PIAS2: variants seen among roughly 807,000 people sequenced by gnomAD.
PIAS2 encodes E3 SUMO-protein ligase PIAS2.
In PIAS2, 19 loss-of-function variants were observed where a neutral mutation model predicts 69.7. That is an observed-to-expected ratio of 0.27 (90% CI 0.19 to 0.40). The LOEUF (loss-of-function observed/expected upper bound fraction) is 0.40. Ranked by LOEUF, PIAS2 falls within the 10% of genes least tolerant of loss-of-function variation. The pLI is 1.00. For synonymous variants in PIAS2, 261 were observed against 263.2 expected (o/e 0.99, Z 0.08); for missense variants, 624 against 757.0 (o/e 0.82, Z 2.06).
intron 3 of PIAS2, among the ~76,000 whole-genome samples, chr18:46,861,814 T>C (rs1485328533): frequency 1.3e-5 from 2 of 152,158 alleles, no homozygotes; most frequent in Admixed American, 6.5e-5. Flanking sequence ...GACTCAACAA[T>C]TAAATGTGAT....
chr18:46,886,075 T>C (rs1024110953), intron 2 of PIAS2, among the ~76,000 whole-genome samples: 1 of 151,938 alleles, frequency 6.6e-6, no homozygotes, highest in African/African-American at 2.4e-5. Flanking sequence ...CCTCTTGGAG[T>C]ACCACTGAGC....
chr18:46,878,697 C>T (rs932414446), intron 2 of PIAS2, among the ~76,000 whole-genome samples: 14 of 152,222 alleles, frequency 9.2e-5, no homozygotes, highest in African/African-American at 2.9e-4. Context: ...GGCGAAACCC[C>T]GTCTCTAATA....
chr18:46,876,789 C>T (rs543995449), intron 2 of PIAS2, among the ~76,000 whole-genome samples: 80 of 151,850 alleles, frequency 5.3e-4, no homozygotes, highest in Middle Eastern at 3.4e-3. Flanking sequence ...CTCTGCCTCC[C>T]GGGTTCACAC....
chr18:46,916,286 C>A (rs9954637), intron 1 of PIAS2, among the ~76,000 whole-genome samples: 3 of 151,990 alleles, frequency 2.0e-5, no homozygotes, highest in Admixed American at 2.0e-4. Flanking sequence ...AAAACTGAAC[C>A]TTTTACCGGA....
intron 2 of PIAS2, among the ~76,000 whole-genome samples, chr18:46,869,971 C>G (rs563900370): frequency 6.6e-6 from 1 of 152,100 alleles, no homozygotes; most frequent in Non-Finnish European, 1.5e-5. Context: ...TACCCCAAAA[C>G]AATCCACCAA....
chr18:46,852,701 C>T (rs1049788142), intron 5 of PIAS2: 4 of 152,212 alleles, frequency 2.6e-5, no homozygotes, highest in Non-Finnish European at 5.9e-5. Context: ...AGACCTCCTA[C>T]AGGAAGGTAT....
intron 1 of PIAS2, among the ~76,000 whole-genome samples, chr18:46,898,994 CA>C (rs80167037): frequency 0.027 from 2,206 of 80,538 alleles, 21 homozygotes; most frequent in Middle Eastern, 0.038. Flanking sequence ...GACTCCATCT[CA>C]AAAAAAAAAA....
intron 2 of PIAS2, among the ~76,000 whole-genome samples, chr18:46,888,582 T>C (rs1393594041): frequency 6.6e-6 from 1 of 152,164 alleles, no homozygotes; most frequent in African/African-American, 2.4e-5. Context: ...CACAACCTTT[T>C]TGGCCAGGAC....
At chr18:46,853,737 C>T (rs556302307) in intron 5 of PIAS2, 38 of 152,324 alleles carry the variant, frequency 2.5e-4, no homozygotes, top group African/African-American at 8.5e-4. Context: ...TGCAGTGAGC[C>T]GAGATCACAC....
intron 2 of PIAS2, among the ~76,000 whole-genome samples, chr18:46,874,156 A>T (rs1479407013): frequency 6.6e-6 from 1 of 152,204 alleles, no homozygotes; most frequent in Admixed American, 6.5e-5. Context: ...ATGCAAAAAA[A>T]CTAATAAGCG....
intron 12 of PIAS2, among the ~76,000 whole-genome samples, chr18:46,820,721 A>G (rs72907118): frequency 0.047 from 7,091 of 152,234 alleles, 192 homozygotes; most frequent in Non-Finnish European, 0.064. Flanking sequence ...CTATTCTACT[A>G]TATTTCTTAT....
intron 1 of PIAS2, among the ~76,000 whole-genome samples, chr18:46,904,707 C>T (rs1182465710): frequency 2.0e-5 from 3 of 151,060 alleles, no homozygotes; most frequent in East Asian, 2.0e-4. Context: ...GCCGAGATCG[C>T]GCCACTGCCC....
chr18:46,846,929 T>A, intron 5 of PIAS2, 88 bp from the exon 6 acceptor site: 1 of 1,129,058 alleles, frequency 8.9e-7, no homozygotes, highest in Non-Finnish European at 1.2e-6. Flanking sequence ...TCCTGCCCAA[T>A]TTCAGTTACA....
chr18:46,919,660 A>G (rs1371605293), upstream of PIAS2, among the ~76,000 whole-genome samples: 1 of 152,190 alleles, frequency 6.6e-6, no homozygotes, highest in Admixed American at 6.5e-5. Flanking sequence ...AAAAATAAAA[A>G]TTATTATTTT....
At chr18:46,911,214 C>CTT (rs149777627) in intron 1 of PIAS2, among the ~76,000 whole-genome samples, 4 of 139,796 alleles carry the variant, frequency 2.9e-5, no homozygotes, top group Admixed American at 1.4e-4. Flanking sequence ...TGTTATATTT[C>CTT]TTTTTTTTTT....
intron 3 of PIAS2, among the ~76,000 whole-genome samples, chr18:46,857,142 G>GA (rs2047963894): frequency 6.6e-6 from 1 of 152,168 alleles, no homozygotes; most frequent in Admixed American, 6.5e-5. Context: ...TCCTTACCAA[G>GA]AGCAGCCTTC....
At chr18:46,919,701 C>T (rs766513501), upstream of PIAS2, among the ~76,000 whole-genome samples, 1 of 152,154 alleles carries the variant, frequency 6.6e-6, no homozygotes, top group Non-Finnish European at 1.5e-5. Flanking sequence ...TGTAAACCCA[C>T]TAGACTATAA....
rs897954933 is a variant in PIAS2 at position 46,806,339 on chromosome 18, C to CACA, written c.*6091_*6093dup. ...TGAGACATTCTTGGAAAATTCTTTG[C>CACA]ACAATGCCTGTTACTTTTTTTTTTT... is the stretch of plus-strand genomic sequence containing the variant. On this transcript the variant is annotated 3_prime_UTR_variant, in exon 14 of 14. Transcript: ENST00000585916. The CACA allele has an allele frequency of 7.2e-6, 1 of 138,248 alleles. No homozygotes were observed. The highest frequency in any genetic ancestry group is 2.7e-5 in the African/African-American group (1 of 37,690). The allele number at this position is 138,248 out of a possible 1,614,324, so 8.6% of individuals were successfully genotyped here.
chr18:46,861,080 G>A (rs1286504969), intron 3 of PIAS2, among the ~76,000 whole-genome samples: 1 of 152,154 alleles, frequency 6.6e-6, no homozygotes, highest in Non-Finnish European at 1.5e-5. Context: ...AAGAGTTCAA[G>A]ACCAGCCTGA....
Sources: gnomAD v4.1 joint callset for allele counts (sites outside exome capture counted in the v4.1 genomes callset) on GRCh38, gnomAD v4.1.1 for gene constraint, MANE v1.5 for transcripts, NCBI Gene and HGNC (gene_info 2026-07-23, HGNC 2026-07-21) for gene names.